Variants in NEK1 observed in about 807,000 individuals in gnomAD.
NEK1 encodes NIMA related kinase 1.
A neutral mutation model predicts 182.1 loss-of-function variants in NEK1; 137 were observed. The ratio of observed to expected loss-of-function variants is 0.75; its 90% confidence interval spans 0.65 to 0.87. The LOEUF is 0.87. Ranked by LOEUF, NEK1 falls within the 40% of genes least tolerant of loss-of-function variation. The pLI, the probability that NEK1 is intolerant of heterozygous loss-of-function variation, is 0.00. For synonymous variants in NEK1, 513 were observed against 492.2 expected (o/e 1.04, Z -0.56); for missense variants, 1,391 against 1,494.4 (o/e 0.93, Z 1.14).
At chr4:169,412,722 A>G (rs1733876260) in intron 31 of NEK1, among the ~76,000 whole-genome samples, 3 of 152,204 alleles carry the variant, frequency 2.0e-5, no homozygotes, top group Admixed American at 2.0e-4. Context: ...TCTTTGCCTT[A>G]TGATACTTTT....
At chr4:169,406,798 TA>T in intron 31 of NEK1, 51 bp from the exon 32 acceptor site, 1 of 1,458,138 alleles carries the variant, frequency 6.9e-7, no homozygotes, top group Non-Finnish European at 9.3e-7. Context: ...AATTAAAACA[TA>T]AAAATGAGAG....
intron 23 of NEK1, among the ~76,000 whole-genome samples, chr4:169,490,962 T>G (rs1261057978): frequency 6.6e-6 from 1 of 151,636 alleles, no homozygotes; most frequent in Non-Finnish European, 1.5e-5. Flanking sequence ...GCTAACATGG[T>G]GAAGCCCTGT....
At position 169,400,549 on chromosome 4, in the gene NEK1, T is replaced by C. The variant is rs781318085; in HGVS notation, c.3686A>G (p.Lys1229Arg). ...LHLEQEMGFE[K>R]FFEVYEKIKA... Reference sequence around the variant, plus strand: ...TATTTTCTCATAAACCTCAAAGAATTTTTCAAAGCCCATTTCCTGCTCCAG... The same window carrying C: ...TATTTTCTCATAAACCTCAAAGAATCTTTCAAAGCCCATTTCCTGCTCCAG... The change falls in exon 34 of 36, where the codon AAA becomes AGA. Residue 1229 changes from lysine (K) to arginine (R), a missense_variant. By Grantham distance (26) the Lys-to-Arg change is conservative (BLOSUM62 2). Coordinates refer to ENST00000507142, the MANE Select transcript of NEK1 (RefSeq NM_001199397.3). The C allele has an allele frequency of 3.1e-6, 5 of 1,605,158 alleles. No homozygotes were observed. The East Asian group carries it at 9.0e-5, about 29-fold the overall frequency.
At position 169,418,146 on chromosome 4, in the gene NEK1, A is replaced by C. The variant is rs187471876; in HGVS notation, c.3222+6407T>G. On this transcript the variant is annotated intron_variant, in intron 31 of 35. Coordinates refer to ENST00000507142, the MANE Select transcript of NEK1 (RefSeq NM_001199397.3). Reference sequence around the variant, plus strand: ...TGACCGGGAGGGAGGTGTTTCCTCAAGATCACCTGTGATGTACAGTGGAGG... The same window carrying C: ...TGACCGGGAGGGAGGTGTTTCCTCACGATCACCTGTGATGTACAGTGGAGG... Among the ~76,000 whole-genome samples, 27 of 152,322 alleles carry C rather than the reference A, an allele frequency of 1.8e-4. No individual in the cohort carries two copies. The East Asian group carries it at 5.0e-3, about 28-fold the overall frequency.
intron 19 of NEK1, among the ~76,000 whole-genome samples, chr4:169,534,695 G>A (rs1758180092): frequency 8.6e-6 from 1 of 116,204 alleles, no homozygotes. Context: ...GTTCTGTACT[G>A]GCCTGGCCAA....
At chr4:169,585,217 G>A (rs1767337383) in intron 10 of NEK1, 132 bp downstream of exon 10, 1 of 606,596 alleles carries the variant, frequency 1.6e-6, no homozygotes, top group African/African-American at 1.9e-5. Context: ...GGAAAGGAAA[G>A]TGACACTAAT....
intron 9 of NEK1, among the ~76,000 whole-genome samples, chr4:169,586,614 T>A (rs1767577206): frequency 6.6e-6 from 1 of 151,924 alleles, no homozygotes; most frequent in African/African-American, 2.4e-5. Flanking sequence ...GGTTTAAAGC[T>A]CAAATAACTG....
At chr4:169,588,832 G>C (rs546569436) in intron 7 of NEK1, 97 bp from the exon 8 acceptor site, 8 of 740,824 alleles carry the variant, frequency 1.1e-5, no homozygotes, top group Non-Finnish European at 1.7e-5. Flanking sequence ...ATATGATGCT[G>C]GTCCCATAAG....
intron 2 of NEK1, among the ~76,000 whole-genome samples, chr4:169,608,436 T>A (rs1771758032): frequency 6.6e-6 from 1 of 152,008 alleles, no homozygotes; most frequent in Non-Finnish European, 1.5e-5. Flanking sequence ...CAACCTAAAT[T>A]CTAGATGCTA....
intron 12 of NEK1, among the ~76,000 whole-genome samples, chr4:169,573,225 G>A (rs4440181): frequency 1.3e-5 from 2 of 152,106 alleles, no homozygotes; most frequent in Non-Finnish European, 2.9e-5. Context: ...AGGTAAGACT[G>A]ACTAGCAGAA....
chr4:169,596,231 A>G (rs946407211), intron 5 of NEK1, among the ~76,000 whole-genome samples: 2 of 152,214 alleles, frequency 1.3e-5, no homozygotes, highest in East Asian at 3.8e-4. Flanking sequence ...AAATTTATAG[A>G]CAGAAATCAA....
At chr4:169,591,413 C>G (rs1012700200) in intron 5 of NEK1, among the ~76,000 whole-genome samples, 3 of 151,958 alleles carry the variant, frequency 2.0e-5, no homozygotes, top group East Asian at 1.9e-4. Flanking sequence ...TTCAAGTGTT[C>G]CTCCTGCCTT....
chr4:169,480,766 GA>G (rs1349208402), intron 23 of NEK1, among the ~76,000 whole-genome samples: 1 of 152,066 alleles, frequency 6.6e-6, no homozygotes, highest in Non-Finnish European at 1.5e-5. Context: ...TTTAAATAAA[GA>G]TGAGGTCCAC....
chr4:169,448,414 A>G (rs1307844205), intron 27 of NEK1, among the ~76,000 whole-genome samples: 1 of 152,160 alleles, frequency 6.6e-6, no homozygotes, highest in African/African-American at 2.4e-5. Context: ...TTTATACCTC[A>G]TAGTACCCTC....
chr4:169,599,285 G>C (rs886148627), intron 4 of NEK1, 88 bp from the exon 5 acceptor site: 24 of 950,346 alleles, frequency 2.5e-5, no homozygotes, highest in Non-Finnish European at 3.4e-5. Context: ...TTACTAAAAA[G>C]CAGCTGCTGA....
In NEK1 at chr4:169,494,869, T is replaced by C. The variant is rs190906957; in HGVS notation, c.2007+12168A>G. Among the ~76,000 whole-genome samples the C allele has an allele frequency of 7.2e-5, 11 of 152,354 alleles. No individual in the cohort carries two copies. The East Asian group carries it at 1.7e-3, about 24-fold the overall frequency. ...GCCAGTGATGATGAGCATTTTTTCA[T>C]GTGTCTTTTGGCTGCAGAAATGTCT... On this transcript the variant is annotated intron_variant, in intron 23 of 35. Transcript: ENST00000507142.
intron 23 of NEK1, among the ~76,000 whole-genome samples, chr4:169,484,359 CA>C (rs1234917558): frequency 2.0e-5 from 3 of 152,166 alleles, no homozygotes; most frequent in Admixed American, 6.5e-5. Flanking sequence ...TATTTCGATA[CA>C]TCAATCTGAC....
At chr4:169,570,543 G>A (rs533630217) in intron 12 of NEK1, among the ~76,000 whole-genome samples, 48 of 150,292 alleles carry the variant, frequency 3.2e-4, no homozygotes, top group African/African-American at 8.4e-4. Context: ...ATACCCGTCC[G>A]GGAGGGAGGT....
At chr4:169,573,079 A>C (rs557786434) in intron 12 of NEK1, among the ~76,000 whole-genome samples, 23 of 152,382 alleles carry the variant, frequency 1.5e-4, no homozygotes, top group African/African-American at 5.5e-4. Context: ...AAAAAACTAT[A>C]ATGATGCAGG....
Sources: allele counts gnomAD v4.1 joint callset (sites outside exome capture counted in the v4.1 genomes callset), GRCh38; gene constraint gnomAD v4.1.1; transcripts MANE v1.5; gene names NCBI Gene and HGNC (gene_info 2026-07-23, HGNC 2026-07-21).